WNK2: variants seen among roughly 807,000 people sequenced by gnomAD.
The protein encoded by WNK2 is WNK lysine deficient protein kinase 2.
WNK2 carries 67 observed loss-of-function variants against 192.1 expected under a neutral mutation model. The ratio of observed to expected loss-of-function variants is 0.35; its 90% CI spans 0.29 to 0.43. The LOEUF (loss-of-function observed/expected upper bound fraction) is 0.43. Ranked by LOEUF, WNK2 falls within the 20% of genes least tolerant of loss-of-function variation. WNK2 has a pLI of 1.00. For synonymous variants in WNK2, 1,439 were observed against 1,393.9 expected, an observed-to-expected ratio of 1.03 and a Z score of -0.72; for missense variants, 2,698 against 3,089.7, an observed-to-expected ratio of 0.87 and a Z score of 3.01.
At chr9:93,277,403 A>G (rs185200930) in intron 19 of WNK2, among the ~76,000 whole-genome samples, 6 of 152,224 alleles carry the variant, frequency 3.9e-5, no homozygotes, top group Non-Finnish European at 5.9e-5. Context: ...TTAAACATCT[A>G]TGTATGAATG....
At chr9:93,213,141 C>CA (rs1835093905) in intron 2 of WNK2, among the ~76,000 whole-genome samples, 1 of 152,090 alleles carries the variant, frequency 6.6e-6, no homozygotes, top group Non-Finnish European at 1.5e-5. Flanking sequence ...ATATAAGAGC[C>CA]GTCTTCCCAG....
intron 18 of WNK2, among the ~76,000 whole-genome samples, chr9:93,268,288 C>T (rs1050646708): frequency 5.3e-5 from 8 of 152,294 alleles, no homozygotes; most frequent in East Asian, 3.9e-4. Flanking sequence ...ACCAAGCCTA[C>T]GCGAGGGGTC....
chr9:93,240,549 G>C (rs1200303479), intron 7 of WNK2, among the ~76,000 whole-genome samples: 1 of 152,130 alleles, frequency 6.6e-6, no homozygotes, highest in Admixed American at 6.5e-5. Flanking sequence ...GCTTTGTGCT[G>C]GGGTGTCATC....
chr9:93,293,108 C>A lies in WNK2; in HGVS notation c.5643C>A (p.Ser1881Arg). Residue 1881 changes from serine (S) to arginine (R), a missense_variant, in exon 23 of 30, where the codon AGC becomes AGA. Ser to Arg is a moderately radical substitution (Grantham distance 110, BLOSUM62 -1). This residue lies in a region of WNK2 where 1,098 missense variants were observed against 1,101.0 expected (regional missense o/e 1.00). Transcript: ENST00000427277. ...TSFHSQSSYI[S>R]SDNDSELEDA... ...TCCATTCCCAGTCGTCCTACATCAG[C>A]AGCGACAATGATTCGGAGCTCGAGG... The A allele has an allele frequency of 6.3e-7, 1 of 1,594,818 alleles. No individual in the cohort carries two copies.
intron 14 of WNK2, among the ~76,000 whole-genome samples, 168 bp downstream of exon 14, chr9:93,262,887 C>G (rs915841080): frequency 6.6e-6 from 1 of 152,250 alleles, no homozygotes; most frequent in Non-Finnish European, 1.5e-5. Flanking sequence ...GCCCTCCTCT[C>G]TGGGTCTTGC....
At chr9:93,191,684 G>A (rs1243894827) in intron 2 of WNK2, among the ~76,000 whole-genome samples, 1 of 152,090 alleles carries the variant, frequency 6.6e-6, no homozygotes, top group Non-Finnish European at 1.5e-5. Flanking sequence ...CAGATTCTGG[G>A]TGCATTTGAA....
In WNK2 at chr9:93,259,632, A is replaced by C; in HGVS notation, c.3066+18A>C. 6 of 1,546,696 alleles carry C rather than the reference A, an allele frequency of 3.9e-6. No individual in the cohort carries two copies. The highest frequency in any genetic ancestry group is 5.2e-6 in the Non-Finnish European group (6 of 1,156,172). Reference sequence around the variant, plus strand: ...GGAGCCAGGTAATCACCTGCTGGGCAGGGGCTCACCCTCCCAGCGTCTGGG... The same window carrying C: ...GGAGCCAGGTAATCACCTGCTGGGCCGGGGCTCACCCTCCCAGCGTCTGGG... On this transcript the variant is annotated intron_variant, in intron 12 of 29. Coordinates refer to ENST00000427277, the MANE Select transcript of WNK2 (RefSeq NM_006648.4). The surrounding 1 kb of genome is among the most constrained non-coding windows in gnomAD (Gnocchi z 4.8).
Position 93,234,786 on chromosome 9 carries a change from C to G in WNK2, c.1076-22C>G, listed in dbSNP as rs185440804. 148 of 1,606,166 alleles carry G rather than the reference C, an allele frequency of 9.2e-5. 2 individuals carry two copies. The South Asian group carries it at 1.6e-3, about 17-fold the overall frequency. On this transcript the variant is annotated intron_variant, in intron 4 of 29. Coordinates refer to ENST00000427277, the MANE Select transcript of WNK2 (RefSeq NM_006648.4). ...TGGGCCCGTGGCCAGCTGACAGCTG[C>G]GTCTGTTGCTTCCGGGCACAGGTAC... is the stretch of plus-strand genomic sequence containing the variant.
At position 93,290,715 on chromosome 9, in the gene WNK2, T is replaced by TG. The variant is rs780208054; in HGVS notation, c.4936+676dup. ...CTTCAGCTATAGCAGAGCAGTGCGGTGGGGGGGGCGCTGTGACTGCTGGGA... is the reference window on the plus strand; with the variant it reads ...CTTCAGCTATAGCAGAGCAGTGCGGTGGGGGGGGGCGCTGTGACTGCTGGGA... On this transcript the variant is annotated intron_variant, in intron 21 of 29. Coordinates refer to ENST00000427277, the MANE Select transcript of WNK2 (RefSeq NM_006648.4). 1.2e-3 allele frequency among the ~76,000 whole-genome samples: 185 copies of TG among 151,586 alleles called. 2 individuals are homozygous for TG. The highest frequency in any genetic ancestry group is 4.9e-3 in the East Asian group (25 of 5,146).
At chr9:93,204,085 G>A (rs1032114319) in intron 2 of WNK2, among the ~76,000 whole-genome samples, 6 of 152,092 alleles carry the variant, frequency 3.9e-5, no homozygotes, top group Non-Finnish European at 7.4e-5. Context: ...TCTGGTAAGT[G>A]CTGGAGAGGA....
At chr9:93,315,481 C>T (rs1300800749) in intron 28 of WNK2, 1 of 152,236 alleles carries the variant, frequency 6.6e-6, no homozygotes, top group Non-Finnish European at 1.5e-5. Flanking sequence ...CATTTGTAAA[C>T]TGCTATTTTC....
At chr9:93,252,605 G>A (rs957563643) in intron 8 of WNK2, among the ~76,000 whole-genome samples, 15 of 152,202 alleles carry the variant, frequency 9.9e-5, no homozygotes, top group African/African-American at 2.9e-4. Flanking sequence ...AGGCCACGGC[G>A]GGCTGGTTGT....
Position 93,268,214 on chromosome 9 carries a change from C to T in WNK2, c.3913+149C>T, listed in dbSNP as rs572722338. The T allele has an allele frequency of 1.3e-4, 138 of 1,090,462 alleles. 1 individual carries two copies. Among genetic ancestry groups the T allele is most frequent in the Non-Finnish European group, 1.7e-4 (130 of 762,828 alleles). 67.5% of individuals were successfully genotyped at this position (1,090,462 alleles called of 1,614,324 possible). A position where few individuals can be genotyped will look rare whatever the true frequency, so the allele number is the denominator to read the frequency against. On this transcript the variant is annotated intron_variant, in intron 18 of 29. Coordinates refer to ENST00000427277, the MANE Select transcript of WNK2 (RefSeq NM_006648.4). ...CCAGTCTGGGGACAGCTGCCCTGTC[C>T]GAGGAGCTGTCACCTGCAACCGGCA...
chr9:93,312,855 C>T (rs1422492390), intron 28 of WNK2, among the ~76,000 whole-genome samples: 1 of 152,208 alleles, frequency 6.6e-6, no homozygotes, highest in Non-Finnish European at 1.5e-5. Context: ...TACTCATCCA[C>T]TTCATGGTGG....
At position 93,256,470 on chromosome 9, in the gene WNK2, C is replaced by T; in HGVS notation, c.2190+16C>T. The T allele has an allele frequency of 6.6e-7, 1 of 1,505,906 alleles. No individual in the cohort carries two copies. The highest frequency in any genetic ancestry group is 2.5e-5 in the East Asian group (1 of 39,960). 93.3% of individuals were successfully genotyped at this position (1,505,906 alleles called of 1,614,324 possible). A position where few individuals can be genotyped will look rare whatever the true frequency, so the allele number is the denominator to read the frequency against. ...CGGCCAGCAGGTGAGTGTGGCACCT[C>T]CTGTGGCCACTGTCCCTCCAGGCAG... On this transcript the variant is annotated intron_variant, in intron 10 of 29. Coordinates refer to ENST00000427277, the MANE Select transcript of WNK2 (RefSeq NM_006648.4).
intron 8 of WNK2, among the ~76,000 whole-genome samples, chr9:93,251,300 G>A (rs1231279373): frequency 6.6e-6 from 1 of 151,504 alleles, no homozygotes; most frequent in Non-Finnish European, 1.5e-5. Context: ...CGTATTTTTA[G>A]TAGAGGTGGG....
chr9:93,210,327 G>A (rs954363373), intron 2 of WNK2, among the ~76,000 whole-genome samples: 18 of 152,074 alleles, frequency 1.2e-4, no homozygotes, highest in African/African-American at 3.1e-4. Flanking sequence ...GGACTGGGGC[G>A]TTGCTCACTG....
chr9:93,190,316 C>T, intron 2 of WNK2, among the ~76,000 whole-genome samples: 1 of 152,196 alleles, frequency 6.6e-6, no homozygotes, highest in East Asian at 1.9e-4. Context: ...CTGTGCAGGT[C>T]ACCGTCATGG....
rs761430227 is a variant in WNK2, at chr9:93,292,304, A to G, written c.4937-4A>G. ...CCCCAGTAACGTTTCTGATGTTCCCATAGCAGAGTCGTCTCCCAGGAGTAT... is the reference window on the plus strand; with the variant it reads ...CCCCAGTAACGTTTCTGATGTTCCCGTAGCAGAGTCGTCTCCCAGGAGTAT... On this transcript the variant is annotated splice_region_variant and splice_polypyrimidine_tract_variant and intron_variant, in intron 21 of 29. Transcript: ENST00000427277. The G allele has an allele frequency of 1.2e-6, 2 of 1,613,808 alleles. No homozygotes were observed. The highest frequency in any genetic ancestry group is 1.3e-5 in the African/African-American group (1 of 75,010).
Sources: allele counts gnomAD v4.1 joint callset (sites outside exome capture counted in the v4.1 genomes callset), GRCh38; gene constraint gnomAD v4.1.1; regional missense constraint gnomAD v4.1.1; non-coding constraint Gnocchi (gnomAD v3.1); transcripts MANE v1.5; gene names NCBI Gene and HGNC (gene_info 2026-07-23, HGNC 2026-07-21).